Variants in SBNO2 observed in about 807,000 individuals in gnomAD.
SBNO2 encodes protein strawberry notch homolog 2.
SBNO2 carries 89 observed loss-of-function variants against 146.3 expected under a neutral mutation model. That is an observed-to-expected ratio of 0.61 (90% confidence interval 0.51 to 0.73). The LOEUF is 0.73. Among genes scored for constraint, SBNO2 ranks in the 30% least tolerant of loss-of-function variants. The probability of loss-of-function intolerance (pLI) is 0.00; values close to 1 mark genes in which losing one functional copy is unlikely to be tolerated. For synonymous variants in SBNO2, 1,147 were observed against 892.6 expected (o/e 1.29, Z -5.08); for missense variants, 2,092 against 2,003.7 (o/e 1.04, Z -0.84).
intron 4 of SBNO2, chr19:1,132,139 C>A: frequency 6.6e-7 from 1 of 1,505,794 alleles, no homozygotes; most frequent in Non-Finnish European, 8.8e-7. Context: ...GGACATGGTC[C>A]CGGCGCTCGG....
intron 2 of SBNO2, among the ~76,000 whole-genome samples, chr19:1,151,737 A>G (rs968418943): frequency 1.2e-4 from 19 of 152,212 alleles, no homozygotes; most frequent in Non-Finnish European, 2.6e-4. Flanking sequence ...ATCGTGGCTC[A>G]CTGCAACCTC....
Position 1,136,528 on chromosome 19 carries a change from C to CG in SBNO2, c.280-8764dup, listed in dbSNP as rs1198802231. 4.6e-5 allele frequency among the ~76,000 whole-genome samples: 7 copies of CG among 152,174 alleles called. No individual in the cohort carries two copies. Among genetic ancestry groups the CG allele is most frequent in the South Asian group, 2.1e-4 (1 of 4,828 alleles). On this transcript the variant is annotated intron_variant, in intron 4 of 31. Coordinates refer to ENST00000361757, the MANE Select transcript of SBNO2 (RefSeq NM_014963.3). The surrounding 1 kb of genome is among the most constrained non-coding windows in gnomAD (Gnocchi z 4.2). ...GGCCCTGGGCGGAGGCTCCTCCTCC[C>CG]GGGGGGGCTGTGGCCTCAGCACAGA...
chr19:1,122,636 C>T, intron 9 of SBNO2, 22 bp downstream of exon 9: 3 of 1,528,442 alleles, frequency 2.0e-6, no homozygotes, highest in Non-Finnish European at 2.6e-6. Flanking sequence ...GCTCCCGCCC[C>T]CTGCCCCAGG....
chr19:1,112,299 G>T lies in SBNO2; in HGVS notation c.2518C>A (p.Arg840Ser). Residue 840 changes from arginine to serine, a missense_variant and splice_region_variant, in exon 22 of 32, where the codon CGC becomes AGC. Coordinates refer to ENST00000361757, the MANE Select transcript of SBNO2 (RefSeq NM_014963.3). The surrounding 1 kb of genome is among the most constrained non-coding windows in gnomAD (Gnocchi z 5.9). ...SADRAIQQFG[R>S]THRSNQVSAP... Reference sequence around the variant, plus strand: ...GAGACCTGGTTGGACCGGTGGGTGCGGCCTGGGGGCAGAGCTGCTCTCAGG... The same window carrying T: ...GAGACCTGGTTGGACCGGTGGGTGCTGCCTGGGGGCAGAGCTGCTCTCAGG... 6.3e-7 allele frequency: 1 copy of T among 1,582,002 alleles called. No individual in the cohort carries two copies.
At chr19:1,171,602 G>A (rs984804798) in intron 1 of SBNO2, among the ~76,000 whole-genome samples, 1 of 152,142 alleles carries the variant, frequency 6.6e-6, no homozygotes, top group African/African-American at 2.4e-5. Context: ...CGACACAGTC[G>A]CCTCTTTGTT....
At chr19:1,128,389 ATCATT>A (rs2079991932) in intron 4 of SBNO2, 1 of 304,958 alleles carries the variant, frequency 3.3e-6, no homozygotes, top group Non-Finnish European at 6.4e-6. Context: ...ATGTATGTAC[ATCATT>A]TCATTTTTTT....
At position 1,122,168 on chromosome 19, in the gene SBNO2, C is replaced by G; in HGVS notation, c.1120G>C (p.Asp374His). 6.6e-7 allele frequency: 1 copy of G among 1,522,398 alleles called. No homozygotes were observed. Among genetic ancestry groups the G allele is most frequent in the Non-Finnish European group, 8.8e-7 (1 of 1,132,066 alleles). 94.3% of individuals were successfully genotyped at this position (1,522,398 alleles called of 1,614,324 possible). A position where few individuals can be genotyped will look rare whatever the true frequency, so the allele number is the denominator to read the frequency against. The change falls in exon 11 of 32, where the codon GAC becomes CAC. Residue 374 changes from aspartate to histidine, a missense_variant. Coordinates refer to ENST00000361757, the MANE Select transcript of SBNO2 (RefSeq NM_014963.3). Reference sequence around the variant, plus strand: ...CCCTCGAAGGCCTCCCCACACCAGTCCAGGATCTGCCGGAGGCGAGTGCGG... The same window carrying G: ...CCCTCGAAGGCCTCCCCACACCAGTGCAGGATCTGCCGGAGGCGAGTGCGG... ...QHRTRLRQIL[D>H]WCGEAFEGVI...
chr19:1,120,039 G>C lies in SBNO2; in HGVS notation c.1150-16C>G. 1 of 1,546,222 alleles carries C rather than the reference G, an allele frequency of 6.5e-7. No individual in the cohort carries two copies. On this transcript the variant is annotated splice_polypyrimidine_tract_variant and intron_variant, in intron 11 of 31. Transcript: ENST00000361757. ...CGAACACGATCTGAGGCACACGTGG[G>C]TTAAGGAGTATTCTGAAGGACGGGG... is the stretch of plus-strand genomic sequence containing the variant.
intron 4 of SBNO2, among the ~76,000 whole-genome samples, chr19:1,131,038 G>A (rs1420030718): frequency 1.3e-5 from 2 of 152,142 alleles, no homozygotes; most frequent in Non-Finnish European, 2.9e-5. Context: ...ACAGAGCCAG[G>A]CCAGCTCCCC....
chr19:1,173,827 G>T lies in SBNO2; in HGVS notation c.-127+345C>A, dbSNP rs111467467. The T allele has an allele frequency of 0.032, 4,895 of 152,024 alleles. 99 individuals are homozygous for T. Among genetic ancestry groups the T allele is most frequent in the Non-Finnish European group, 0.049 (3,340 of 67,996 alleles). The allele number at this position is 152,024 out of a possible 1,614,324, so 9.4% of individuals were successfully genotyped here. A position where few individuals can be genotyped will look rare whatever the true frequency, so the allele number is the denominator to read the frequency against. On this transcript the variant is annotated intron_variant, in intron 1 of 31. Coordinates refer to ENST00000361757, the MANE Select transcript of SBNO2 (RefSeq NM_014963.3). This position sits in a 1 kb window ranked among gnomAD's most constrained non-coding sequence, Gnocchi z 4.7. ...AAGGTCGGGGGTCACCAAGCTGCGC[G>T]GTACAGGGAGTCACCCGGAAGAGCG...
chr19:1,119,530 G>A lies in SBNO2; in HGVS notation c.1359C>T (p.His453=), dbSNP rs372558065. The A allele has an allele frequency of 1.4e-5, 23 of 1,608,010 alleles. No homozygotes were observed. The highest frequency in any genetic ancestry group is 9.4e-5 in the African/African-American group (7 of 74,800). ...TPFRNFEEFL[H]AIEKRGVGAM... ...AGGGCACTCACCTCTTCTCGATGGC[G>A]TGCAGGAACTCCTCAAAGTTCCGGA... The change falls in exon 13 of 32, where the codon CAC becomes CAT. Residue 453 remains histidine (H), a synonymous_variant. Coordinates refer to ENST00000361757, the MANE Select transcript of SBNO2 (RefSeq NM_014963.3).
In SBNO2 at chr19:1,110,733, A is replaced by T. The variant is rs775588675; in HGVS notation, c.3028+12T>A. 6.2e-7 allele frequency: 1 copy of T among 1,604,932 alleles called. No homozygotes were observed. The highest frequency in any genetic ancestry group is 2.3e-5 in the East Asian group (1 of 44,398). ...ACACCCACCCACACCACACCCCGGC[A>T]CCTGTGCTCACCCAGGATGCCCATG... On this transcript the variant is annotated intron_variant, in intron 26 of 31. Coordinates refer to ENST00000361757, the MANE Select transcript of SBNO2 (RefSeq NM_014963.3). The surrounding 1 kb of genome is among the most constrained non-coding windows in gnomAD (Gnocchi z 4.9).
In SBNO2 at chr19:1,127,687, T is replaced by C. The variant is rs777787214; in HGVS notation, c.358A>G (p.Thr120Ala). ...SVDSLSDIVD[T>A]PDFLPADSLN... The stretch of plus-strand genomic sequence containing the variant: ...CTGTCAGCCGGCAGGAAGTCGGGCG[T>C]GTCCACGATGTCCGACAGGGAGTCC... The change falls in exon 5 of 32, where the codon ACG becomes GCG. Residue 120 changes from threonine to alanine, a missense_variant. Transcript: ENST00000361757. 1.2e-4 allele frequency: 198 copies of C among 1,613,442 alleles called. No individual in the cohort carries two copies. The highest frequency in any genetic ancestry group is 1.6e-4 in the Non-Finnish European group (191 of 1,179,850).
intron 14 of SBNO2, among the ~76,000 whole-genome samples, chr19:1,118,438 A>G (rs1229356903): frequency 6.6e-6 from 1 of 152,186 alleles, no homozygotes; most frequent in African/African-American, 2.4e-5. Flanking sequence ...ACCAAGCCAC[A>G]TGGCCCACAG....
In SBNO2 at chr19:1,108,131, G is replaced by T. The variant is rs910298612; in HGVS notation, c.*89C>A. On this transcript the variant is annotated 3_prime_UTR_variant, in exon 32 of 32. Transcript: ENST00000361757. ...AGGGCCTAGGGCTCCTCTGAGCAGT[G>T]GTCAGGGGACCTTGGCCCTGCTCCC... 7.4e-6 allele frequency: 10 copies of T among 1,352,936 alleles called. No homozygotes were observed. The Admixed American group carries it at 2.4e-4, about 33-fold the overall frequency. The allele number at this position is 1,352,936 out of a possible 1,614,324, so 83.8% of individuals were successfully genotyped here. A position where few individuals can be genotyped will look rare whatever the true frequency, so the allele number is the denominator to read the frequency against.
At chr19:1,132,177 G>A in intron 4 of SBNO2, 2 of 1,424,888 alleles carry the variant, frequency 1.4e-6, no homozygotes, top group East Asian at 3.0e-5. Context: ...AGGAAGCGCT[G>A]CCCGGGAGCG....
chr19:1,152,264 G>T (rs1344282895), intron 2 of SBNO2, among the ~76,000 whole-genome samples: 1 of 152,188 alleles, frequency 6.6e-6, no homozygotes, highest in Non-Finnish European at 1.5e-5. Context: ...CCTTGAAGAT[G>T]GCTCCTCTGT....
rs534698194 is a variant in SBNO2, at chr19:1,162,546, G to A, written c.-126-8144C>T. 8.0e-4 allele frequency among the ~76,000 whole-genome samples: 122 copies of A among 151,924 alleles called. 1 individual carries two copies. The highest frequency in any genetic ancestry group is 7.5e-3 in the South Asian group (36 of 4,818). On this transcript the variant is annotated intron_variant, in intron 1 of 31. Transcript: ENST00000361757. ...AAATCTGGCTTCCTCTCACCCATAC[G>A]AGCCTGCCAGAGGCAGGAGGCTGAC...
intron 1 of SBNO2, among the ~76,000 whole-genome samples, chr19:1,164,297 CT>C (rs1202297023): frequency 6.6e-6 from 1 of 152,148 alleles, no homozygotes; most frequent in Non-Finnish European, 1.5e-5. Flanking sequence ...GCCAAACCTC[CT>C]GTCCTGCTCC....
Sources: allele counts gnomAD v4.1 joint callset (sites outside exome capture counted in the v4.1 genomes callset), GRCh38; gene constraint gnomAD v4.1.1; non-coding constraint Gnocchi (gnomAD v3.1); transcripts MANE v1.5; gene names NCBI Gene and HGNC (gene_info 2026-07-23, HGNC 2026-07-21).